Variants in KIAA0825 observed in about 807,000 individuals in gnomAD.
KIAA0825 encodes uncharacterized protein KIAA0825.
KIAA0825 carries 119 observed loss-of-function variants against 147.6 expected under a neutral mutation model. The ratio of observed to expected loss-of-function variants is 0.81; its 90% CI spans 0.69 to 0.94. The LOEUF (loss-of-function observed/expected upper bound fraction) is 0.94. Ranked by LOEUF, KIAA0825 falls within the 40% of genes least tolerant of loss-of-function variation. The probability of loss-of-function intolerance (pLI) is 0.00; values close to 1 mark genes in which losing one functional copy is unlikely to be tolerated. For missense variants in KIAA0825, 1,381 were observed against 1,472.7 expected, an observed-to-expected ratio of 0.94 and a Z score of 1.02; for synonymous variants, 470 against 518.1, an observed-to-expected ratio of 0.91 and a Z score of 1.26.
intron 20 of KIAA0825, among the ~76,000 whole-genome samples, chr5:94,308,810 T>C (rs886678120): frequency 9.2e-5 from 14 of 151,678 alleles, no homozygotes; most frequent in African/African-American, 2.9e-4. Context: ...TGGGATTGAA[T>C]AAAAAGTCCT....
rs1202296119 is a variant in KIAA0825, at chr5:94,153,123, T to A, written c.*884A>T. 6.6e-6 allele frequency: 1 copy of A among 151,230 alleles called. No individual in the cohort carries two copies. The highest frequency in any genetic ancestry group is 2.4e-5 in the African/African-American group (1 of 41,170). 9.4% of individuals were successfully genotyped at this position (151,230 alleles called of 1,614,324 possible). A position where few individuals can be genotyped will look rare whatever the true frequency, so the allele number is the denominator to read the frequency against. ...ATATCAGGCAGTGATAGGAAGGAAATAATAAATATCTATAATTGTCCTTGG... is the reference window on the plus strand; with the variant it reads ...ATATCAGGCAGTGATAGGAAGGAAAAAATAAATATCTATAATTGTCCTTGG... On this transcript the variant is annotated 3_prime_UTR_variant, in exon 21 of 21. Coordinates refer to ENST00000682413, the MANE Select transcript of KIAA0825 (RefSeq NM_001145678.3).
At chr5:94,388,067 A>G (rs1749407312) in intron 18 of KIAA0825, among the ~76,000 whole-genome samples, 1 of 152,182 alleles carries the variant, frequency 6.6e-6, no homozygotes, top group South Asian at 2.1e-4. Flanking sequence ...CAATTTTTCC[A>G]TGGACATGGA....
intron 20 of KIAA0825, among the ~76,000 whole-genome samples, chr5:94,207,269 G>A (rs1583850947): frequency 1.3e-5 from 2 of 152,164 alleles, no homozygotes; most frequent in East Asian, 3.9e-4. Context: ...GAAATGTGTG[G>A]TCCCCAGAAA....
At chr5:94,495,590 A>G (rs1189268957) in intron 5 of KIAA0825, among the ~76,000 whole-genome samples, 1 of 152,220 alleles carries the variant, frequency 6.6e-6, no homozygotes, top group African/African-American at 2.4e-5. Context: ...AAGGAGGGCC[A>G]TACCTCACCA....
chr5:94,394,995 T>C (rs972077664), intron 17 of KIAA0825, among the ~76,000 whole-genome samples: 2 of 152,208 alleles, frequency 1.3e-5, no homozygotes, highest in African/African-American at 4.8e-5. Context: ...ACATTATTAG[T>C]TACCTTAATA....
chr5:94,203,773 A>G (rs980113254), intron 20 of KIAA0825, among the ~76,000 whole-genome samples: 2 of 152,138 alleles, frequency 1.3e-5, no homozygotes, highest in African/African-American at 4.8e-5. Flanking sequence ...CATATATTTT[A>G]TGCTAACAAA....
intron 20 of KIAA0825, among the ~76,000 whole-genome samples, chr5:94,335,400 A>G (rs559249225): frequency 1.9e-3 from 284 of 152,248 alleles, no homozygotes; most frequent in Middle Eastern, 0.014. Flanking sequence ...CATAGAGTGT[A>G]CCAAGTGATC....
intron 20 of KIAA0825, among the ~76,000 whole-genome samples, chr5:94,342,879 G>A (rs143828530): frequency 2.0e-5 from 3 of 152,164 alleles, no homozygotes; most frequent in African/African-American, 7.2e-5. Flanking sequence ...GTCAAAAAAT[G>A]TTCTAGTAAA....
intron 20 of KIAA0825, among the ~76,000 whole-genome samples, chr5:94,304,014 G>A (rs1484891137): frequency 6.6e-6 from 1 of 152,026 alleles, no homozygotes; most frequent in Non-Finnish European, 1.5e-5. Context: ...CCAGAAGACA[G>A]GACTCAGAAG....
intron 14 of KIAA0825, among the ~76,000 whole-genome samples, chr5:94,433,309 G>A (rs1358771916): frequency 3.9e-5 from 6 of 152,208 alleles, no homozygotes; most frequent in Non-Finnish European, 8.8e-5. Context: ...TTACAGGCGT[G>A]AGCCACCGTG....
chr5:94,519,474 A>G (rs1162515527), intron 5 of KIAA0825: 2 of 830,952 alleles, frequency 2.4e-6, no homozygotes, highest in African/African-American at 3.7e-5. Context: ...CACAATAAGA[A>G]AAGTTTATTA....
At chr5:94,238,210 AGT>A (rs1368172978) in intron 20 of KIAA0825, among the ~76,000 whole-genome samples, 1 of 152,206 alleles carries the variant, frequency 6.6e-6, no homozygotes, top group Non-Finnish European at 1.5e-5. Flanking sequence ...TGAAAAGGCA[AGT>A]GTAGCAAAAT....
chr5:94,152,850 AAAAAATTATATATATATATAT>A lies in KIAA0825; in HGVS notation c.*1136_*1156del, dbSNP rs1766636636. 4.9e-5 allele frequency: 1 copy of A among 20,526 alleles called. No homozygotes were observed. The highest frequency in any genetic ancestry group is 1.7e-4 in the African/African-American group (1 of 5,988). The allele number at this position is 20,526 out of a possible 1,614,324, so 1.3% of individuals were successfully genotyped here. The stretch of plus-strand genomic sequence containing the variant: ...AAAAAAAAAAAAAAAAAAAAAAAAA[AAAAAATTATATATATATATAT>A]ATATATATATATATATATATATATA... On this transcript the variant is annotated 3_prime_UTR_variant, in exon 21 of 21. Coordinates refer to ENST00000682413, the MANE Select transcript of KIAA0825 (RefSeq NM_001145678.3).
intron 20 of KIAA0825, among the ~76,000 whole-genome samples, chr5:94,205,293 ATATATATTTTG>A (rs1772071348): frequency 7.1e-6 from 1 of 141,604 alleles, no homozygotes; most frequent in African/African-American, 2.6e-5. Flanking sequence ...ATATATATAT[ATATATATTTTG>A]TTTTGTTTTG....
intron 20 of KIAA0825, among the ~76,000 whole-genome samples, chr5:94,290,247 C>G (rs1327375997): frequency 1.3e-5 from 2 of 151,910 alleles, no homozygotes; most frequent in Non-Finnish European, 2.9e-5. Flanking sequence ...AACCTGTCAT[C>G]TACATTAGGT....
At position 94,410,041 on chromosome 5, in the gene KIAA0825, G is replaced by A. The variant is rs147500334; in HGVS notation, c.2663-6248C>T. On this transcript the variant is annotated intron_variant, in intron 15 of 20. Coordinates refer to ENST00000682413, the MANE Select transcript of KIAA0825 (RefSeq NM_001145678.3). ...CCAGAAATGAAAGAGATGATGGAAC[G>A]AGCAAACAAGGTTTTAAAACATCAT... 5.9e-3 allele frequency among the ~76,000 whole-genome samples: 894 copies of A among 152,046 alleles called. 2 individuals are homozygous for A. Among genetic ancestry groups the A allele is most frequent in the Admixed American group, 9.0e-3 (137 of 15,262 alleles).
At chr5:94,540,419 G>GT (rs1773050769) in intron 2 of KIAA0825, among the ~76,000 whole-genome samples, 1 of 152,154 alleles carries the variant, frequency 6.6e-6, no homozygotes, top group African/African-American at 2.4e-5. Context: ...CTCTTGTCTT[G>GT]TATGTCCTTG....
chr5:94,178,085 G>A (rs1285369022), intron 20 of KIAA0825, among the ~76,000 whole-genome samples: 3 of 151,934 alleles, frequency 2.0e-5, no homozygotes, highest in South Asian at 4.1e-4. Context: ...GTATGTTGCT[G>A]TTATTCATAT....
chr5:94,562,007 C>T (rs1376971201), intron 2 of KIAA0825, among the ~76,000 whole-genome samples: 1 of 151,988 alleles, frequency 6.6e-6, no homozygotes. Flanking sequence ...CTATGTAAGC[C>T]ATTTTTAAAA....
Sources: allele counts gnomAD v4.1 joint callset (sites outside exome capture counted in the v4.1 genomes callset), GRCh38; gene constraint gnomAD v4.1.1; transcripts MANE v1.5; gene names NCBI Gene and HGNC (gene_info 2026-07-23, HGNC 2026-07-21).